The following GRID2 variants were observed in gnomAD, a reference collection of about 807,000 sequenced individuals.
GRID2 encodes the protein glutamate ionotropic receptor delta type subunit 2, also known as glutamate receptor ionotropic, delta-2.
In GRID2, 33 loss-of-function variants were observed where a neutral mutation model predicts 114.8. The observed-to-expected ratio is 0.29, with a 90% CI of 0.22 to 0.38. GRID2 has a LOEUF of 0.38. GRID2 is among the 10% of genes least tolerant of loss of function. The pLI is 1.00. For missense variants in GRID2, 1,184 were observed against 1,257.7 expected (o/e 0.94, Z 0.89); for synonymous variants, 505 against 449.9 (o/e 1.12, Z -1.55).
At chr4:93,697,279 G>A (rs1185386045) in intron 14 of GRID2, among the ~76,000 whole-genome samples, 1 of 152,102 alleles carries the variant, frequency 6.6e-6, no homozygotes, top group Non-Finnish European at 1.5e-5. Flanking sequence ...AAAAGAAGTA[G>A]ACTAGTTTGT....
At chr4:93,606,662 C>T (rs560316155) in intron 13 of GRID2, among the ~76,000 whole-genome samples, 247 of 152,226 alleles carry the variant, frequency 1.6e-3, no homozygotes, top group Admixed American at 2.2e-3. Context: ...TGGGTTTCTT[C>T]CAATCTTCTT....
At chr4:92,779,600 A>G (rs1276593174) in intron 2 of GRID2, among the ~76,000 whole-genome samples, 2 of 152,100 alleles carry the variant, frequency 1.3e-5, no homozygotes, top group East Asian at 3.9e-4. Flanking sequence ...CTTCCATCCT[A>G]AAGATCCAAG....
intron 13 of GRID2, among the ~76,000 whole-genome samples, chr4:93,597,236 T>A (rs1260613109): frequency 6.6e-6 from 1 of 152,238 alleles, no homozygotes; most frequent in Non-Finnish European, 1.5e-5. Flanking sequence ...TTTAACAAAT[T>A]GAAAATTAAT....
intron 2 of GRID2, among the ~76,000 whole-genome samples, chr4:93,079,918 A>G (rs1729702711): frequency 6.6e-6 from 1 of 152,150 alleles, no homozygotes; most frequent in South Asian, 2.1e-4. Context: ...ACAATTTTTA[A>G]TTAAAATATT....
At chr4:92,584,149 C>T (rs1045638928) in intron 1 of GRID2, among the ~76,000 whole-genome samples, 3 of 151,694 alleles carry the variant, frequency 2.0e-5, no homozygotes, top group Admixed American at 2.0e-4. Flanking sequence ...CATTTTTTCT[C>T]CTTGAACTGA....
chr4:93,578,898 G>A (rs112745138), intron 13 of GRID2, among the ~76,000 whole-genome samples: 5,338 of 152,080 alleles, frequency 0.035, 103 homozygotes, highest in African/African-American at 0.051. Context: ...CGGCTGCCTT[G>A]CTTTCATTAA....
At chr4:93,065,069 G>C (rs935775456) in intron 2 of GRID2, among the ~76,000 whole-genome samples, 2 of 151,756 alleles carry the variant, frequency 1.3e-5, no homozygotes, top group African/African-American at 4.8e-5. Flanking sequence ...AAGTAAAAAC[G>C]GGGGAAATAT....
chr4:92,473,813 G>T (rs920373695), intron 1 of GRID2, among the ~76,000 whole-genome samples: 2 of 151,814 alleles, frequency 1.3e-5, no homozygotes, highest in Non-Finnish European at 2.9e-5. Flanking sequence ...ATGAAATTGT[G>T]TTTAAGTTTT....
intron 2 of GRID2, among the ~76,000 whole-genome samples, chr4:93,027,747 A>G (rs1397946271): frequency 6.6e-6 from 1 of 152,132 alleles, no homozygotes; most frequent in African/African-American, 2.4e-5. Flanking sequence ...AGCTCATATT[A>G]TTTTGCTAAA....
At chr4:93,198,734 T>C (rs1456350292) in intron 4 of GRID2, among the ~76,000 whole-genome samples, 1 of 152,028 alleles carries the variant, frequency 6.6e-6, no homozygotes, top group Admixed American at 6.6e-5. Context: ...ACAGAGAAAC[T>C]GAGAAGAGGT....
At chr4:93,252,742 T>C (rs1749110827) in intron 8 of GRID2, among the ~76,000 whole-genome samples, 1 of 152,160 alleles carries the variant, frequency 6.6e-6, no homozygotes. Context: ...TCTGATTTCC[T>C]TGAGCAGCGT....
chr4:93,712,881 GC>G (rs1291985486), intron 14 of GRID2, among the ~76,000 whole-genome samples: 2 of 151,940 alleles, frequency 1.3e-5, no homozygotes, highest in Admixed American at 1.3e-4. Flanking sequence ...TACACAGCTG[GC>G]TTCTTCCATC....
intron 1 of GRID2, among the ~76,000 whole-genome samples, chr4:92,381,079 A>G (rs2110236985): frequency 6.6e-6 from 1 of 152,198 alleles, no homozygotes; most frequent in South Asian, 2.1e-4. Flanking sequence ...GCCTCTTTGA[A>G]ATATAGTAGA....
chr4:92,700,161 C>T (rs1416788585), intron 2 of GRID2, among the ~76,000 whole-genome samples: 3 of 152,146 alleles, frequency 2.0e-5, no homozygotes, highest in African/African-American at 7.2e-5. Context: ...GTTTTCCTCT[C>T]AACAGACAAG....
intron 8 of GRID2, among the ~76,000 whole-genome samples, chr4:93,350,757 A>G (rs1760719502): frequency 6.6e-6 from 1 of 152,074 alleles, no homozygotes; most frequent in African/African-American, 2.4e-5. Context: ...TAATCAGCAG[A>G]ACCAGACACC....
intron 2 of GRID2, among the ~76,000 whole-genome samples, chr4:92,783,069 T>A (rs543708430): frequency 6.6e-6 from 1 of 152,242 alleles, no homozygotes; most frequent in Non-Finnish European, 1.5e-5. Flanking sequence ...AATACATTAT[T>A]ATTAAAATTA....
intron 10 of GRID2, among the ~76,000 whole-genome samples, chr4:93,447,984 T>A (rs1722253467): frequency 6.6e-6 from 1 of 151,972 alleles, no homozygotes; most frequent in Non-Finnish European, 1.5e-5. Flanking sequence ...AGTAAAGTAT[T>A]ACCAAACAGG....
rs372350274 is a variant in GRID2, at chr4:93,533,373, C to T, written c.2193+17962C>T. Reference sequence around the variant, plus strand: ...CTCCCTCCCTTCCTTACTTCTCTCTCTCTTTCTTTCTTTCTTTCTTTCTTT... The same window carrying T: ...CTCCCTCCCTTCCTTACTTCTCTCTTTCTTTCTTTCTTTCTTTCTTTCTTT... On this transcript the variant is annotated intron_variant, in intron 13 of 15. Coordinates refer to ENST00000282020, the MANE Select transcript of GRID2 (RefSeq NM_001510.4). Among the ~76,000 whole-genome samples the T allele has an allele frequency of 2.1e-3, 254 of 122,342 alleles. 1 individual carries two copies. The highest frequency in any genetic ancestry group is 5.2e-3 in the African/African-American group (167 of 32,218). The allele number at this position is 122,342 out of a possible 152,430, so 80.3% of individuals were successfully genotyped here.
At chr4:93,179,718 A>G (rs1560957351) in intron 4 of GRID2, among the ~76,000 whole-genome samples, 1 of 152,204 alleles carries the variant, frequency 6.6e-6, no homozygotes, top group Non-Finnish European at 1.5e-5. Context: ...GAAGCTTGGA[A>G]GAATTACATA....
Sources: allele counts gnomAD v4.1 joint callset (sites outside exome capture counted in the v4.1 genomes callset), GRCh38; gene constraint gnomAD v4.1.1; transcripts MANE v1.5; gene names NCBI Gene and HGNC (gene_info 2026-07-23, HGNC 2026-07-21).